MGAM: variants seen among roughly 807,000 people sequenced by gnomAD.
MGAM encodes the protein alpha-1,4-glucosidase.
In MGAM, 253 loss-of-function variants were observed where a neutral mutation model predicts 358.8. That is an observed-to-expected ratio of 0.71 (90% confidence interval 0.64 to 0.78). MGAM has a LOEUF of 0.78. Ranked by LOEUF, MGAM falls within the 30% of genes least tolerant of loss-of-function variation. MGAM has a pLI of 0.00. For synonymous variants in MGAM, 1,105 were observed against 1,227.1 expected (o/e 0.90, Z 2.08); for missense variants, 3,080 against 3,432.6 (o/e 0.90, Z 2.57).
intron 15 of MGAM, 72 bp from the exon 16 acceptor site, chr7:142,034,598 T>C (rs1807814311): frequency 1.4e-6 from 2 of 1,379,494 alleles, no homozygotes; most frequent in South Asian, 2.6e-5. Flanking sequence ...GTCTTTTGTA[T>C]TGTTGCTGTA....
intron 1 of MGAM, among the ~76,000 whole-genome samples, chr7:141,999,309 G>C (rs527394023): frequency 6.6e-6 from 1 of 152,216 alleles, no homozygotes; most frequent in South Asian, 2.1e-4. Flanking sequence ...ACGTGCTATG[G>C]GCCATAAACT....
Position 142,059,937 on chromosome 7 carries a change from C to A in MGAM, c.4030C>A (p.Pro1344Thr), listed in dbSNP as rs376193103. 45 of 1,608,918 alleles carry A rather than the reference C, an allele frequency of 2.8e-5. No individual in the cohort carries two copies. In the African/African-American group the frequency reaches 5.5e-4, roughly 20 times the overall value. ...GVEDDVFIKY[P>T]NDGDIVWGKV... is the part of the protein sequence containing the mutation. The stretch of plus-strand genomic sequence containing the variant: ...GGAGGATGACGTCTTCATCAAATAC[C>A]CAAATGATGGAGACATTGTCTGGGG... The change falls in exon 33 of 71, where the codon CCA becomes ACA. Residue 1344 changes from proline (P) to threonine (T), a missense_variant. Pro to Thr is a conservative substitution (Grantham distance 38). This residue lies in a region of MGAM where 1,816 missense variants were observed against 1,840.5 expected (regional missense o/e 0.99). Transcript: ENST00000475668.
intron 58 of MGAM, among the ~76,000 whole-genome samples, 175 bp from the exon 59 acceptor site, chr7:142,092,346 T>G (rs1374803393): frequency 6.9e-6 from 1 of 145,704 alleles, no homozygotes; most frequent in Non-Finnish European, 1.6e-5. Context: ...AGTTGTTCTG[T>G]AGGGGTGAAT....
chr7:142,045,514 CATATA>C (rs1207299919), intron 21 of MGAM, among the ~76,000 whole-genome samples: 2 of 101,404 alleles, frequency 2.0e-5, no homozygotes, highest in Non-Finnish European at 3.5e-5. Context: ...ATTACATATA[CATATA>C]ATATATGATA....
rs1338009784 is a variant in MGAM, at chr7:142,086,127, A to G, written c.6637-91A>G. The G allele has an allele frequency of 4.1e-5, 58 of 1,424,788 alleles. 12 individuals are homozygous for G. The highest frequency in any genetic ancestry group is 5.3e-5 in the Non-Finnish European group (55 of 1,042,678). 88.3% of individuals were successfully genotyped at this position (1,424,788 alleles called of 1,614,324 possible). A position where few individuals can be genotyped will look rare whatever the true frequency, so the allele number is the denominator to read the frequency against. On this transcript the variant is annotated intron_variant, in intron 55 of 70. Transcript: ENST00000475668. ...AACTCTACAGTTCAGGTAGAAGCCA[A>G]CAAGTTCGCCCTGGAGGAGTTCTCC...
intron 43 of MGAM, 88 bp downstream of exon 43, chr7:142,068,791 GC>G: frequency 5.4e-6 from 6 of 1,114,120 alleles, no homozygotes; most frequent in Non-Finnish European, 8.0e-6. Flanking sequence ...TCAAATGCTG[GC>G]TCTGTAACCC....
At position 142,092,541 on chromosome 7, in the gene MGAM, C is replaced by T; in HGVS notation, c.6966C>T (p.Ser2322=). Residue 2322 remains serine (S), a synonymous_variant, in exon 59 of 71, where the codon AGC becomes AGT. Transcript: ENST00000475668. ...GMWIDMNEPS[S]FVNGAVSPGC... ...TCTAGGATATGAATGAACCATCAAG[C>T]TTCGTGAATGGGGCAGTTTCTCCAG... is the stretch of plus-strand genomic sequence containing the variant. The T allele has an allele frequency of 1.3e-6, 2 of 1,549,240 alleles. No individual in the cohort carries two copies. The highest frequency in any genetic ancestry group is 2.3e-5 in the East Asian group (1 of 43,756).
intron 1 of MGAM, among the ~76,000 whole-genome samples, chr7:141,998,980 A>AC (rs1231385665): frequency 6.6e-6 from 1 of 151,920 alleles, no homozygotes; most frequent in Non-Finnish European, 1.5e-5. Context: ...TTCCTCATTT[A>AC]CCCCCCACTT....
intron 21 of MGAM, among the ~76,000 whole-genome samples, chr7:142,046,587 G>T (rs537370931): frequency 6.6e-6 from 1 of 152,172 alleles, no homozygotes; most frequent in Non-Finnish European, 1.5e-5. Flanking sequence ...GCCACACGGA[G>T]ATTCTAGGTT....
chr7:142,070,927 C>T, intron 43 of MGAM, 67 bp from the exon 44 acceptor site: 1 of 1,524,784 alleles, frequency 6.6e-7, no homozygotes, highest in Non-Finnish European at 9.0e-7. Flanking sequence ...AGATGTCTGG[C>T]AGGATGCATT....
intron 31 of MGAM, 60 bp downstream of exon 31, chr7:142,058,388 G>A (rs2961076): frequency 1.2e-6 from 2 of 1,600,342 alleles, no homozygotes; most frequent in Non-Finnish European, 1.7e-6. Context: ...CTGTGTCTGG[G>A]TTCATTTGTC....
intron 17 of MGAM, among the ~76,000 whole-genome samples, chr7:142,036,578 G>A (rs536203070): frequency 1.3e-5 from 2 of 152,240 alleles, no homozygotes; most frequent in Admixed American, 1.3e-4. Context: ...AAGCAAACAA[G>A]GAAATACTTC....
intron 22 of MGAM, among the ~76,000 whole-genome samples, chr7:142,048,278 G>T (rs545842448): frequency 6.6e-6 from 1 of 151,400 alleles, no homozygotes; most frequent in African/African-American, 2.4e-5. Context: ...TCAGCCTCCC[G>T]CGTAGGACTA....
intron 37 of MGAM, 78 bp downstream of exon 37, chr7:142,064,600 C>T: frequency 2.0e-6 from 3 of 1,504,692 alleles, no homozygotes; most frequent in South Asian, 1.2e-5. Flanking sequence ...CCTAGTTTTC[C>T]TTTCATTCCA....
At chr7:142,092,102 T>G in intron 58 of MGAM, 55 bp downstream of exon 58, 1 of 1,524,302 alleles carries the variant, frequency 6.6e-7, no homozygotes, top group Non-Finnish European at 9.0e-7. Flanking sequence ...TTTGTGTGCC[T>G]ACGTGTATGT....
intron 17 of MGAM, 95 bp from the exon 18 acceptor site, chr7:142,036,728 A>G (rs1038523227): frequency 6.5e-5 from 88 of 1,353,882 alleles, no homozygotes; most frequent in Non-Finnish European, 8.6e-5. Context: ...TTCAGGAGGG[A>G]AATTCTTGGT....
Position 142,105,938 on chromosome 7 carries a change from C to A in MGAM, c.*47C>A. ...CTAACTATGAATGACTTTGAAACTACTTATACTTCATACTCATAAAAATTA... is the reference window on the plus strand; with the variant it reads ...CTAACTATGAATGACTTTGAAACTAATTATACTTCATACTCATAAAAATTA... On this transcript the variant is annotated 3_prime_UTR_variant, in exon 71 of 71. Coordinates refer to ENST00000475668, the MANE Select transcript of MGAM (RefSeq NM_001365693.1). 1 of 1,370,878 alleles carries A rather than the reference C, an allele frequency of 7.3e-7. No individual in the cohort carries two copies. The highest frequency in any genetic ancestry group is 1.0e-6 in the Non-Finnish European group (1 of 960,326). 84.9% of individuals were successfully genotyped at this position (1,370,878 alleles called of 1,614,324 possible).
intron 2 of MGAM, among the ~76,000 whole-genome samples, chr7:141,990,558 G>A (rs1219719617): frequency 6.6e-6 from 1 of 152,116 alleles, no homozygotes; most frequent in East Asian, 1.9e-4. Flanking sequence ...TCTCTGCATT[G>A]TGGCTCCAGT....
chr7:142,022,482 T>C, intron 7 of MGAM, 43 bp downstream of exon 7: 1 of 1,581,774 alleles, frequency 6.3e-7, no homozygotes. Context: ...TATCATAGTC[T>C]CATTCTTAAA....
Sources: allele counts gnomAD v4.1 joint callset (sites outside exome capture counted in the v4.1 genomes callset), GRCh38; gene constraint gnomAD v4.1.1; regional missense constraint gnomAD v4.1.1; transcripts MANE v1.5; gene names NCBI Gene and HGNC (gene_info 2026-07-23, HGNC 2026-07-21).